Variants in HSD17B12 observed in about 807,000 individuals in gnomAD.
HSD17B12 encodes very-long-chain 3-oxoacyl-CoA reductase.
A neutral mutation model predicts 39.3 loss-of-function variants in HSD17B12; 32 were observed. That is an observed-to-expected ratio of 0.81 (90% CI 0.61 to 1.09). The LOEUF is 1.09. Ranked by LOEUF, HSD17B12 falls within the 50% of genes least tolerant of loss-of-function variation. The probability of loss-of-function intolerance (pLI) is 0.00; values close to 1 mark genes in which losing one functional copy is unlikely to be tolerated. For missense variants in HSD17B12, 342 were observed against 382.9 expected, an observed-to-expected ratio of 0.89 and a Z score of 0.89; for synonymous variants, 150 against 146.7, an observed-to-expected ratio of 1.02 and a Z score of -0.16.
At chr11:43,763,497 T>G (rs905724693) in intron 3 of HSD17B12, among the ~76,000 whole-genome samples, 2 of 151,654 alleles carry the variant, frequency 1.3e-5, no homozygotes, top group African/African-American at 4.8e-5. Context: ...GAAGACTATA[T>G]TCTCAAAGAT....
the HSD17B12 span, among the ~76,000 whole-genome samples, chr11:43,584,142 C>T: frequency 6.6e-6 from 1 of 152,178 alleles, no homozygotes. Flanking sequence ...TTCCCCACTC[C>T]TAGAGTCTGG....
At chr11:43,608,910 G>C in the HSD17B12 span, among the ~76,000 whole-genome samples, 1 of 152,108 alleles carries the variant, frequency 6.6e-6, no homozygotes, top group Non-Finnish European at 1.5e-5. Flanking sequence ...TCTCAAAATT[G>C]AGAAAACATA....
the HSD17B12 span, among the ~76,000 whole-genome samples, chr11:43,584,014 C>G: frequency 6.6e-6 from 1 of 152,148 alleles, no homozygotes; most frequent in South Asian, 2.1e-4. Flanking sequence ...AGAGTCCCCT[C>G]AAAGTCACCT....
At chr11:43,760,324 A>G (rs568857010) in intron 3 of HSD17B12, among the ~76,000 whole-genome samples, 1 of 152,280 alleles carries the variant, frequency 6.6e-6, no homozygotes, top group African/African-American at 2.4e-5. Flanking sequence ...TGCTGGGCTT[A>G]TACATGTAAG....
At position 43,831,145 on chromosome 11, in the gene HSD17B12, C is replaced by G; in HGVS notation, c.536+135C>G. ...CATGTCTTAGCCACAGAGTGATGTACCAGGCGAGTCACAGTAGAGCATGAG... is the reference window on the plus strand; with the variant it reads ...CATGTCTTAGCCACAGAGTGATGTAGCAGGCGAGTCACAGTAGAGCATGAG... On this transcript the variant is annotated intron_variant, in intron 7 of 10. Transcript: ENST00000278353. This position sits in a 1 kb window ranked among gnomAD's most constrained non-coding sequence, Gnocchi z 4.1. 1 of 707,076 alleles carries G rather than the reference C, an allele frequency of 1.4e-6. No homozygotes were observed. The highest frequency in any genetic ancestry group is 3.0e-5 in the Admixed American group (1 of 33,204). The allele number at this position is 707,076 out of a possible 1,614,324, so 43.8% of individuals were successfully genotyped here. A position where few individuals can be genotyped will look rare whatever the true frequency, so the allele number is the denominator to read the frequency against.
chr11:43,798,877 C>A (rs1274655672), intron 4 of HSD17B12, among the ~76,000 whole-genome samples: 1 of 152,162 alleles, frequency 6.6e-6, no homozygotes, highest in Admixed American at 6.6e-5. Context: ...TGTAGACACA[C>A]TGGTAAACTC....
At chr11:43,595,839 C>T in the HSD17B12 span, among the ~76,000 whole-genome samples, 12 of 151,294 alleles carry the variant, frequency 7.9e-5, no homozygotes, top group East Asian at 1.9e-3. Context: ...ACACACAGAG[C>T]GAGAGAGAGA....
At chr11:43,747,514 A>G (rs1414600981) in intron 1 of HSD17B12, among the ~76,000 whole-genome samples, 2 of 152,178 alleles carry the variant, frequency 1.3e-5, no homozygotes, top group Non-Finnish European at 2.9e-5. Flanking sequence ...GCCTCTGAGG[A>G]GGAAAGCCTC....
chr11:43,655,358 C>CATGTTTTTTTTTTG, the HSD17B12 span, among the ~76,000 whole-genome samples: 1 of 152,310 alleles, frequency 6.6e-6, no homozygotes, highest in Middle Eastern at 3.4e-3. Context: ...CAAACAGGGA[C>CATGTTTTTTTTTTG]AATTTGACTT....
intron 3 of HSD17B12, among the ~76,000 whole-genome samples, chr11:43,795,304 A>G (rs769810471): frequency 3.9e-5 from 6 of 152,040 alleles, no homozygotes; most frequent in Non-Finnish European, 8.8e-5. Context: ...ATCGTTCTCA[A>G]CTTTTCTTTT....
intron 3 of HSD17B12, among the ~76,000 whole-genome samples, chr11:43,768,683 G>C (rs1278210536): frequency 1.3e-5 from 2 of 152,300 alleles, no homozygotes; most frequent in East Asian, 1.9e-4. Context: ...AGGTGGTGTG[G>C]ACCCAAAGAG....
intron 7 of HSD17B12, among the ~76,000 whole-genome samples, chr11:43,834,855 C>G (rs938393149): frequency 4.6e-5 from 7 of 151,908 alleles, no homozygotes; most frequent in African/African-American, 1.7e-4. Flanking sequence ...AAGGTACTTT[C>G]CTGTCAGCAA....
the HSD17B12 span, among the ~76,000 whole-genome samples, chr11:43,580,902 T>C: frequency 1.3e-5 from 2 of 151,970 alleles, no homozygotes; most frequent in Admixed American, 1.3e-4. Flanking sequence ...CGTCTGTATT[T>C]ATTTAGTGCT....
the HSD17B12 span, among the ~76,000 whole-genome samples, chr11:43,654,572 A>G: frequency 6.6e-6 from 1 of 152,046 alleles, no homozygotes; most frequent in African/African-American, 2.4e-5. Flanking sequence ...TAATTTTTGT[A>G]TAAGATGTAA....
chr11:43,632,692 C>T, the HSD17B12 span, among the ~76,000 whole-genome samples: 1 of 152,134 alleles, frequency 6.6e-6, no homozygotes, highest in African/African-American at 2.4e-5. Flanking sequence ...TTTTTAGCCC[C>T]ATTTTTGGAA....
rs867432034 is a variant in HSD17B12 at position 43,818,937 on chromosome 11, A to G, written c.501+2546A>G. 3.3e-5 allele frequency among the ~76,000 whole-genome samples: 5 copies of G among 152,300 alleles called. No individual in the cohort carries two copies. In the South Asian group the frequency reaches 6.2e-4, roughly 19 times the overall value. On this transcript the variant is annotated intron_variant, in intron 6 of 10. Coordinates refer to ENST00000278353, the MANE Select transcript of HSD17B12 (RefSeq NM_016142.3). ...ATATCACTTTTAGTCTACAACGTAT[A>G]TATTTTATAATTTTTGCCTTTTGAA...
intron 3 of HSD17B12, among the ~76,000 whole-genome samples, chr11:43,777,543 T>C (rs1014243681): frequency 3.3e-5 from 5 of 152,134 alleles, no homozygotes; most frequent in South Asian, 2.1e-4. Context: ...ACAATCATGT[T>C]GTCTGCAAAC....
At chr11:43,795,732 T>A (rs561943356) in intron 3 of HSD17B12, among the ~76,000 whole-genome samples, 6 of 152,294 alleles carry the variant, frequency 3.9e-5, no homozygotes, top group Admixed American at 3.9e-4. Flanking sequence ...AAATCCCAGA[T>A]CATTTGTGCC....
At position 43,807,354 on chromosome 11, in the gene HSD17B12, T is replaced by C. The variant is rs532127730; in HGVS notation, c.392-8083T>C. On this transcript the variant is annotated intron_variant, in intron 4 of 10. Transcript: ENST00000278353. ...CTGAATAATACTGGGAGAATAGACA[T>C]GGGAAGGGTTTCCAGGTGGAGGAAA... Among the ~76,000 whole-genome samples, 5 of 152,218 alleles carry C rather than the reference T, an allele frequency of 3.3e-5. No homozygotes were observed. In the South Asian group the frequency reaches 1.0e-3, roughly 32 times the overall value.
Sources: allele counts gnomAD v4.1 joint callset (sites outside exome capture counted in the v4.1 genomes callset), GRCh38; gene constraint gnomAD v4.1.1; non-coding constraint Gnocchi (gnomAD v3.1); transcripts MANE v1.5; gene names NCBI Gene and HGNC (gene_info 2026-07-23, HGNC 2026-07-21).